The following FER variants were observed in gnomAD, a reference collection of about 807,000 sequenced individuals.
FER encodes the protein FER tyrosine kinase.
In FER, 63 loss-of-function variants were observed where a neutral mutation model predicts 111.0. The observed-to-expected ratio is 0.57, with a 90% CI of 0.46 to 0.70. The LOEUF (loss-of-function observed/expected upper bound fraction) is 0.70. Ranked by LOEUF, FER falls within the 30% of genes least tolerant of loss-of-function variation. The pLI is 0.00. For missense variants in FER, 914 were observed against 954.0 expected (o/e 0.96, Z 0.55); for synonymous variants, 327 against 313.9 (o/e 1.04, Z -0.44).
intron 4 of FER, 90 bp downstream of exon 4, chr5:108,833,033 T>C (rs1225750272): frequency 3.5e-6 from 4 of 1,147,218 alleles, no homozygotes; most frequent in Non-Finnish European, 4.9e-6. Context: ...AAATTGTTTA[T>C]TCATCATTTC....
intron 13 of FER, among the ~76,000 whole-genome samples, chr5:109,008,144 G>A (rs946712331): frequency 1.3e-5 from 2 of 152,022 alleles, no homozygotes; most frequent in African/African-American, 2.4e-5. Context: ...TTGTACTCAC[G>A]GAGGAAATAA....
chr5:108,812,686 G>A (rs184655253), intron 3 of FER, among the ~76,000 whole-genome samples: 3 of 151,920 alleles, frequency 2.0e-5, no homozygotes, highest in Admixed American at 1.3e-4. Flanking sequence ...TTTAAAATGT[G>A]ACTATTTTTA....
At chr5:108,965,060 AC>A (rs1759622823) in intron 13 of FER, among the ~76,000 whole-genome samples, 1 of 152,184 alleles carries the variant, frequency 6.6e-6, no homozygotes, top group Non-Finnish European at 1.5e-5. Flanking sequence ...TTTGAAAAAA[AC>A]GTTCTGAACT....
Position 109,187,471 on chromosome 5 carries a change from A to G in FER, c.2365A>G (p.Ile789Val), listed in dbSNP as rs756567869. 9 of 1,613,976 alleles carry G rather than the reference A, an allele frequency of 5.6e-6. No homozygotes were observed. In the Admixed American group the frequency reaches 1.3e-4, roughly 24 times the overall value. ...AGCTCCCCAGCACTGTCCAGAGGAT[A>G]TTTCCAAAATCATGATGAAGTGTTG... ...MSAPQHCPED[I>V]SKIMMKCWDY... The change falls in exon 20 of 20, where the codon ATT becomes GTT. Residue 789 changes from isoleucine (I) to valine (V), a missense_variant. Physicochemically the swap from Ile to Val is conservative, Grantham distance 29. Coordinates refer to ENST00000281092, the MANE Select transcript of FER (RefSeq NM_005246.4).
intron 17 of FER, among the ~76,000 whole-genome samples, chr5:109,160,136 G>C (rs963350071): frequency 2.6e-5 from 4 of 152,066 alleles, no homozygotes; most frequent in African/African-American, 9.7e-5. Context: ...GAAAAACAAG[G>C]CATCCCGAAT....
intron 1 of FER, among the ~76,000 whole-genome samples, chr5:108,765,302 A>G (rs932729286): frequency 2.4e-4 from 37 of 152,262 alleles, no homozygotes; most frequent in Admixed American, 2.2e-3. Context: ...CTTTTAACCC[A>G]AATCTTTTCA....
chr5:108,892,565 T>G (rs1456249501), intron 9 of FER, among the ~76,000 whole-genome samples: 1 of 152,236 alleles, frequency 6.6e-6, no homozygotes. Flanking sequence ...TTCTGGATAT[T>G]AGCCCTTTGT....
chr5:108,993,632 GGT>G (rs1357468936), intron 13 of FER, among the ~76,000 whole-genome samples: 9 of 124,188 alleles, frequency 7.2e-5, no homozygotes, highest in South Asian at 2.4e-4. Context: ...CGAGGGCGAG[GGT>G]GAGGGCGAGG....
chr5:108,930,610 C>T, intron 10 of FER, among the ~76,000 whole-genome samples: 1 of 80,568 alleles, frequency 1.2e-5, no homozygotes, highest in Non-Finnish European at 2.4e-5. Flanking sequence ...CCTCTCCCCT[C>T]CTTTTTTCCT....
chr5:109,116,562 G>A (rs2126456509), intron 17 of FER, among the ~76,000 whole-genome samples: 1 of 152,080 alleles, frequency 6.6e-6, no homozygotes, highest in Non-Finnish European at 1.5e-5. Context: ...AAGCCCACCT[G>A]GTGAATTAAA....
intron 2 of FER, 54 bp from the exon 3 acceptor site, chr5:108,798,069 TG>T: frequency 5.9e-5 from 41 of 689,460 alleles, no homozygotes; most frequent in South Asian, 2.2e-4. Context: ...TTTTTTTTTT[TG>T]AAGACTAATT....
intron 2 of FER, among the ~76,000 whole-genome samples, chr5:108,785,828 G>A (rs2150009258): frequency 6.6e-6 from 1 of 152,176 alleles, no homozygotes; most frequent in East Asian, 1.9e-4. Context: ...TCTTCACTTG[G>A]GTGAGGTAGG....
chr5:108,988,414 T>A (rs1762811763), intron 13 of FER, among the ~76,000 whole-genome samples: 1 of 152,168 alleles, frequency 6.6e-6, no homozygotes, highest in South Asian at 2.1e-4. Context: ...ATCCATCTGG[T>A]CCTGGACTTT....
In FER at chr5:108,867,792, A is replaced by G. The variant is rs768487879; in HGVS notation, c.507A>G (p.Glu169=). The G allele has an allele frequency of 1.4e-5, 22 of 1,612,284 alleles. No homozygotes were observed. The Admixed American group carries it at 2.2e-4, about 16-fold the overall frequency. Residue 169 remains glutamate, a synonymous_variant, in exon 6 of 20, where the codon GAA becomes GAG. Coordinates refer to ENST00000281092, the MANE Select transcript of FER (RefSeq NM_005246.4). ...AKGKETEKAK[E]RYDKATMKLH... is the part of the protein sequence containing the mutation. ...GGAAGGAAACTGAAAAGGCCAAGGAACGATACGACAAAGCCACAATGAAAC... is the reference window on the plus strand; with the variant it reads ...GGAAGGAAACTGAAAAGGCCAAGGAGCGATACGACAAAGCCACAATGAAAC...
At chr5:108,851,356 A>G (rs1322617922) in intron 5 of FER, among the ~76,000 whole-genome samples, 2 of 152,108 alleles carry the variant, frequency 1.3e-5, no homozygotes, top group African/African-American at 4.8e-5. Flanking sequence ...TTCACGTGAG[A>G]TTTATTCACT....
rs144110050 is a variant in FER at position 108,884,113 on chromosome 5, T to A, written c.1046+595T>A. 4.9e-3 allele frequency among the ~76,000 whole-genome samples: 741 copies of A among 152,142 alleles called. 6 individuals carry two copies. Among genetic ancestry groups the A allele is most frequent in the Middle Eastern group, 0.014 (4 of 292 alleles). On this transcript the variant is annotated intron_variant, in intron 9 of 19. Coordinates refer to ENST00000281092, the MANE Select transcript of FER (RefSeq NM_005246.4). ...TTTAATCTAAACTTCAAGTTTCTAA[T>A]CTGCTTTTATTAATTGCATCTACAA...
chr5:108,987,415 C>G (rs975911683), intron 13 of FER, among the ~76,000 whole-genome samples: 86 of 152,060 alleles, frequency 5.7e-4, no homozygotes, highest in Non-Finnish European at 1.5e-4. Flanking sequence ...CCTTGTACTC[C>G]AGCCTGGGCA....
chr5:109,036,077 C>T (rs970794076), intron 13 of FER, among the ~76,000 whole-genome samples: 2 of 152,174 alleles, frequency 1.3e-5, no homozygotes, highest in South Asian at 4.1e-4. Context: ...TTCAGTATTG[C>T]AAAAATGTTC....
At chr5:108,796,166 A>G (rs544688386) in intron 2 of FER, among the ~76,000 whole-genome samples, 2 of 152,266 alleles carry the variant, frequency 1.3e-5, no homozygotes, top group East Asian at 3.9e-4. Context: ...AAGATCTGGG[A>G]GGATTCTCTA....
Sources: allele counts gnomAD v4.1 joint callset (sites outside exome capture counted in the v4.1 genomes callset), GRCh38; gene constraint gnomAD v4.1.1; transcripts MANE v1.5; gene names NCBI Gene and HGNC (gene_info 2026-07-23, HGNC 2026-07-21).